The following CSMD1 variants were observed in gnomAD, a reference collection of about 807,000 sequenced individuals.
CSMD1 encodes CUB and sushi domain-containing protein 1.
CSMD1 carries 213 observed loss-of-function variants against 417.5 expected under a neutral mutation model. The observed-to-expected ratio is 0.51, with a 90% confidence interval of 0.46 to 0.57. The LOEUF (loss-of-function observed/expected upper bound fraction) is 0.57, where lower values mean the gene tolerates loss of function less well. Among genes scored for constraint, CSMD1 ranks in the 20% least tolerant of loss-of-function variants. The pLI is 0.00. For synonymous variants in CSMD1, 2,862 were observed against 1,736.8 expected (o/e 1.65, Z -16.11); for missense variants, 6,923 against 4,529.7 (o/e 1.53, Z -15.17).
intron 11 of CSMD1, among the ~76,000 whole-genome samples, chr8:3,493,230 G>A (rs1409055378): frequency 6.7e-6 from 1 of 149,704 alleles, no homozygotes; most frequent in East Asian, 2.0e-4. Flanking sequence ...GGAGGCGGAG[G>A]TTGCAGTGAG....
At chr8:3,388,671 A>T (rs1173577679) in intron 17 of CSMD1, among the ~76,000 whole-genome samples, 3 of 152,280 alleles carry the variant, frequency 2.0e-5, no homozygotes, top group African/African-American at 7.2e-5. Context: ...CTTTTTTCTT[A>T]AACTGTTTTT....
intron 5 of CSMD1, among the ~76,000 whole-genome samples, chr8:3,754,747 G>A (rs993128227): frequency 1.3e-5 from 2 of 152,132 alleles, no homozygotes; most frequent in African/African-American, 2.4e-5. Context: ...GAGCCACGGC[G>A]CCCGGCCACA....
At chr8:4,721,790 GGTAT>G (rs1200962926) in intron 1 of CSMD1, among the ~76,000 whole-genome samples, 2 of 152,040 alleles carry the variant, frequency 1.3e-5, no homozygotes, top group Non-Finnish European at 2.9e-5. Flanking sequence ...CAATAGCCAA[GGTAT>G]GTAAAGAACC....
chr8:2,943,193 C>T (rs1802007179), intron 68 of CSMD1, among the ~76,000 whole-genome samples: 1 of 151,454 alleles, frequency 6.6e-6, no homozygotes. Context: ...CAAAATAATG[C>T]TAAAATGTAA....
chr8:3,411,313 G>A (rs1267981820), intron 12 of CSMD1, among the ~76,000 whole-genome samples: 1 of 152,132 alleles, frequency 6.6e-6, no homozygotes, highest in Non-Finnish European at 1.5e-5. Context: ...CAGGGGCCAA[G>A]AGCAAATTCT....
chr8:3,291,766 C>A (rs117829237), intron 25 of CSMD1, among the ~76,000 whole-genome samples: 1 of 151,552 alleles, frequency 6.6e-6, no homozygotes, highest in Non-Finnish European at 1.5e-5. Flanking sequence ...GTTGATCTGT[C>A]CAAAAAGTCA....
chr8:3,806,341 G>C (rs1800740711), intron 5 of CSMD1, among the ~76,000 whole-genome samples: 1 of 152,138 alleles, frequency 6.6e-6, no homozygotes, highest in Non-Finnish European at 1.5e-5. Flanking sequence ...TTACAACCAA[G>C]TATATAGAAA....
chr8:3,971,066 T>C (rs1813050648), intron 5 of CSMD1, among the ~76,000 whole-genome samples: 1 of 152,108 alleles, frequency 6.6e-6, no homozygotes, highest in Non-Finnish European at 1.5e-5. Flanking sequence ...GGAATCTTAA[T>C]ACAAATGGGG....
chr8:4,417,855 T>G, intron 3 of CSMD1, among the ~76,000 whole-genome samples: 1 of 152,150 alleles, frequency 6.6e-6, no homozygotes, highest in South Asian at 2.1e-4. Context: ...AATTCTGACC[T>G]TTTCCCATGA....
At chr8:3,887,559 A>T (rs1429585143) in intron 5 of CSMD1, among the ~76,000 whole-genome samples, 1 of 152,232 alleles carries the variant, frequency 6.6e-6, no homozygotes, top group Non-Finnish European at 1.5e-5. Flanking sequence ...CAATTAAATT[A>T]GAATTCCTGT....
At chr8:3,992,159 A>G (rs981924963) in intron 5 of CSMD1, among the ~76,000 whole-genome samples, 5 of 150,974 alleles carry the variant, frequency 3.3e-5, no homozygotes, top group African/African-American at 4.9e-5. Flanking sequence ...TATTATATAT[A>G]TTTTTATTGT....
At chr8:4,562,109 G>C (rs17344405) in intron 2 of CSMD1, among the ~76,000 whole-genome samples, 25,257 of 152,204 alleles carry the variant, frequency 0.17, 2,380 homozygotes, top group Non-Finnish European at 0.21. Flanking sequence ...GATAGAGGAG[G>C]GAAGAGTGTA....
chr8:3,677,236 C>T (rs572377697), intron 7 of CSMD1, among the ~76,000 whole-genome samples: 6 of 152,166 alleles, frequency 3.9e-5, no homozygotes, highest in Non-Finnish European at 7.4e-5. Flanking sequence ...GCTTAAAAGT[C>T]CAAGATTAAT....
At chr8:3,833,455 T>C (rs1802485572) in intron 5 of CSMD1, among the ~76,000 whole-genome samples, 2 of 152,146 alleles carry the variant, frequency 1.3e-5, no homozygotes, top group African/African-American at 4.8e-5. Flanking sequence ...AGTTTACAAA[T>C]CATTTATTAA....
intron 4 of CSMD1, among the ~76,000 whole-genome samples, chr8:4,003,193 A>C (rs1815835001): frequency 6.6e-6 from 1 of 152,112 alleles, no homozygotes; most frequent in Admixed American, 6.6e-5. Flanking sequence ...GGAGATCGAG[A>C]CCATCCTGGC....
chr8:3,760,517 T>A (rs1797934163), intron 5 of CSMD1, among the ~76,000 whole-genome samples: 1 of 152,222 alleles, frequency 6.6e-6, no homozygotes, highest in African/African-American at 2.4e-5. Flanking sequence ...TTCTTTCATG[T>A]AACCTCCCTC....
intron 3 of CSMD1, among the ~76,000 whole-genome samples, chr8:4,191,779 C>G (rs1799047230): frequency 6.7e-6 from 1 of 149,550 alleles, no homozygotes; most frequent in South Asian, 2.1e-4. Context: ...TTCAGTTCAT[C>G]CTGTGGTTAA....
At chr8:3,893,474 G>A (rs899597397) in intron 5 of CSMD1, among the ~76,000 whole-genome samples, 6 of 150,914 alleles carry the variant, frequency 4.0e-5, no homozygotes, top group Admixed American at 1.3e-4. Flanking sequence ...AAAGGATAAA[G>A]CAAAAGCAAA....
chr8:4,911,293 G>C (rs904659967), intron 1 of CSMD1, among the ~76,000 whole-genome samples: 4 of 152,184 alleles, frequency 2.6e-5, no homozygotes, highest in African/African-American at 9.6e-5. Flanking sequence ...ACTGGATAAA[G>C]TGTTTCATCA....
Sources: allele counts gnomAD v4.1 joint callset (sites outside exome capture counted in the v4.1 genomes callset), GRCh38; gene constraint gnomAD v4.1.1; transcripts MANE v1.5; gene names NCBI Gene and HGNC (gene_info 2026-07-23, HGNC 2026-07-21).